Variants in EEIG2 observed in about 807,000 individuals in gnomAD.
EEIG2 encodes the protein family with sequence similarity 102 member B.
chr1:108,576,256 T>C, the EEIG2 span, among the ~76,000 whole-genome samples: 1 of 152,182 alleles, frequency 6.6e-6, no homozygotes, highest in Non-Finnish European at 1.5e-5. Context: ...TACGGTAATA[T>C]CTTGTTTTAT....
chr1:108,582,508 AT>A, the EEIG2 span, among the ~76,000 whole-genome samples: 1 of 152,140 alleles, frequency 6.6e-6, no homozygotes, highest in Non-Finnish European at 1.5e-5. Context: ...TCAGGACTAG[AT>A]TTTACATATC....
the EEIG2 span, among the ~76,000 whole-genome samples, chr1:108,573,717 G>T: frequency 6.6e-6 from 1 of 152,010 alleles, no homozygotes; most frequent in African/African-American, 2.4e-5. Context: ...CTGGACAAAG[G>T]ACTTGAATAG....
At chr1:108,617,848 T>C in the EEIG2 span, among the ~76,000 whole-genome samples, 1 of 152,156 alleles carries the variant, frequency 6.6e-6, no homozygotes, top group Non-Finnish European at 1.5e-5. Context: ...CACACGCTGC[T>C]GGAGTGGGTC....
At chr1:108,628,021 C>T in the EEIG2 span, 1 of 646,508 alleles carries the variant, frequency 1.5e-6, no homozygotes. Context: ...ACTTCCATTG[C>T]ACTGACTTAA....
chr1:108,564,450 A>G, the EEIG2 span, among the ~76,000 whole-genome samples: 1 of 152,164 alleles, frequency 6.6e-6, no homozygotes, highest in Non-Finnish European at 1.5e-5. Context: ...TAAGGGGAAT[A>G]TTGCATATGG....
At chr1:108,635,409 A>T in the EEIG2 span, 1 of 403,756 alleles carries the variant, frequency 2.5e-6, no homozygotes, top group Non-Finnish European at 4.5e-6. Context: ...CATCATAATG[A>T]AAAGCCTGCT....
the EEIG2 span, among the ~76,000 whole-genome samples, chr1:108,561,784 A>G: frequency 0.19 from 28,627 of 152,206 alleles, 4,840 homozygotes; most frequent in African/African-American, 0.45. Context: ...ATATTGGACC[A>G]TCTCTTACTT....
At chr1:108,599,189 AC>A in the EEIG2 span, among the ~76,000 whole-genome samples, 1 of 152,018 alleles carries the variant, frequency 6.6e-6, no homozygotes, top group East Asian at 1.9e-4. Context: ...CAAAAAAAAA[AC>A]AACTGATAGA....
chr1:108,573,508 T>C, the EEIG2 span, among the ~76,000 whole-genome samples: 3 of 152,172 alleles, frequency 2.0e-5, no homozygotes, highest in Admixed American at 1.3e-4. Context: ...TTAGGGCCTT[T>C]AGTGATGAGG....
the EEIG2 span, among the ~76,000 whole-genome samples, chr1:108,609,914 G>A: frequency 3.3e-5 from 5 of 152,280 alleles, no homozygotes; most frequent in Middle Eastern, 3.4e-3. Context: ...GGGAGGGGGC[G>A]GGAGGAGCAA....
chr1:108,586,314 GGTGTGTGT>G, the EEIG2 span, among the ~76,000 whole-genome samples: 2,055 of 148,086 alleles, frequency 0.014, 21 homozygotes, highest in South Asian at 0.038. Context: ...TACGCAGAGG[GGTGTGTGT>G]GTGTGTGTGT....
the EEIG2 span, among the ~76,000 whole-genome samples, chr1:108,594,816 T>C: frequency 8.3e-4 from 127 of 152,190 alleles, no homozygotes; most frequent in Non-Finnish European, 1.8e-4. Flanking sequence ...TCTCTATCTC[T>C]ATTTTACACT....
chr1:108,631,980 G>T, the EEIG2 span, among the ~76,000 whole-genome samples: 2 of 151,914 alleles, frequency 1.3e-5, no homozygotes, highest in African/African-American at 4.8e-5. Context: ...CGGGTGTGGT[G>T]GCGGGCGCCT....
chr1:108,621,600 AG>A, the EEIG2 span, among the ~76,000 whole-genome samples: 1 of 152,098 alleles, frequency 6.6e-6, no homozygotes, highest in Admixed American at 6.6e-5. Context: ...TAGAGAGGGA[AG>A]GGGCCAATGT....
chr1:108,608,553 T>G, the EEIG2 span, among the ~76,000 whole-genome samples: 1 of 152,228 alleles, frequency 6.6e-6, no homozygotes, highest in Non-Finnish European at 1.5e-5. Context: ...ATAGACTTTC[T>G]GGTTCTTCAC....
the EEIG2 span, among the ~76,000 whole-genome samples, chr1:108,581,460 A>G: frequency 2.0e-5 from 3 of 152,174 alleles, no homozygotes; most frequent in Non-Finnish European, 4.4e-5. Flanking sequence ...AATTAAATTG[A>G]AAACCTTCTG....
the EEIG2 span, among the ~76,000 whole-genome samples, chr1:108,616,602 A>G: frequency 6.6e-6 from 1 of 152,156 alleles, no homozygotes; most frequent in Non-Finnish European, 1.5e-5. Context: ...CCTATTACCA[A>G]ATGAGTTCTC....
chr1:108,622,867 C>G, the EEIG2 span, among the ~76,000 whole-genome samples: 1 of 152,152 alleles, frequency 6.6e-6, no homozygotes, highest in Non-Finnish European at 1.5e-5. Context: ...TCAGCCACCT[C>G]CCTGTTTTAT....
the EEIG2 span, chr1:108,624,850 A>G: frequency 4.9e-6 from 4 of 823,362 alleles, no homozygotes; most frequent in East Asian, 2.5e-5. Context: ...AAACAGGCCA[A>G]TAAGAATCAA....
Sources: gnomAD v4.1 joint callset for allele counts (sites outside exome capture counted in the v4.1 genomes callset) on GRCh38, gnomAD v4.1.1 for gene constraint, MANE v1.5 for transcripts, NCBI Gene and HGNC (gene_info 2026-07-23, HGNC 2026-07-21) for gene names.